The following SMARCA4 variants were observed in gnomAD, a reference collection of about 807,000 sequenced individuals.
SMARCA4 encodes SWI/SNF-related matrix-associated actin-dependent regulator of chromatin subfamily A member 4.
In SMARCA4, 31 loss-of-function variants were observed where a neutral mutation model predicts 193.9. That is an observed-to-expected ratio of 0.16 (90% CI 0.12 to 0.22). SMARCA4 has a LOEUF of 0.22. Ranked by LOEUF, SMARCA4 falls within the 10% of genes least tolerant of loss-of-function variation. SMARCA4 has a pLI of 1.00. For missense variants in SMARCA4, 1,148 were observed against 2,296.0 expected, an observed-to-expected ratio of 0.50 and a Z score of 10.22; for synonymous variants, 942 against 933.1, an observed-to-expected ratio of 1.01 and a Z score of -0.17.
intron 14 of SMARCA4, chr19:11,008,408 G>T (rs921673066): frequency 1.1e-5 from 4 of 350,728 alleles, no homozygotes; most frequent in Admixed American, 7.7e-5. Context: ...GTCTTCATTT[G>T]CATACATATC....
chr19:11,041,024 C>T lies in SMARCA4; in HGVS notation c.4171-283C>T, dbSNP rs768203964. 2.1e-6 allele frequency: 1 copy of T among 469,654 alleles called. No homozygotes were observed. Among genetic ancestry groups the T allele is most frequent in the Non-Finnish European group, 3.8e-6 (1 of 263,304 alleles). 29.1% of individuals were successfully genotyped at this position (469,654 alleles called of 1,614,324 possible). A position where few individuals can be genotyped will look rare whatever the true frequency, so the allele number is the denominator to read the frequency against. The stretch of plus-strand genomic sequence containing the variant: ...TTTCAGGAGCACGTTCTTTTCTGTA[C>T]AGAGAAGATAGTTCTTTTTTTTTGG... On this transcript the variant is annotated intron_variant, in intron 29 of 34. Coordinates refer to ENST00000344626, the MANE Select transcript of SMARCA4 (RefSeq NM_003072.5). The surrounding 1 kb of genome is among the most constrained non-coding windows in gnomAD (Gnocchi z 5.6).
chr19:11,006,314 GAA>G lies in SMARCA4; in HGVS notation c.2002-1587_2002-1586del, dbSNP rs753833469. On this transcript the variant is annotated intron_variant, in intron 13 of 34. Coordinates refer to ENST00000344626, the MANE Select transcript of SMARCA4 (RefSeq NM_003072.5). ...GGAAAGCCATTAAATGATGCAACATGAATGATTAAACAAGTTCGTAGATAACT... is the reference window on the plus strand; with the variant it reads ...GGAAAGCCATTAAATGATGCAACATGTGATTAAACAAGTTCGTAGATAACT... 3.3e-5 allele frequency among the ~76,000 whole-genome samples: 5 copies of G among 152,240 alleles called. No individual in the cohort carries two copies. In the East Asian group the frequency reaches 9.6e-4, roughly 29 times the overall value.
intron 11 of SMARCA4, among the ~76,000 whole-genome samples, chr19:11,000,299 T>G (rs1039371872): frequency 6.6e-6 from 1 of 150,928 alleles, no homozygotes; most frequent in Admixed American, 6.6e-5. Context: ...CAGTTTGGGT[T>G]GCTAAGGTGG....
intron 30 of SMARCA4, among the ~76,000 whole-genome samples, chr19:11,052,221 TCAA>T (rs1189481172): frequency 6.6e-6 from 1 of 152,090 alleles, no homozygotes; most frequent in Non-Finnish European, 1.5e-5. Flanking sequence ...CTGTGAAACA[TCAA>T]CAATAGGCAG....
chr19:10,996,164 G>T (rs961757759), intron 9 of SMARCA4, 49 bp from the exon 10 acceptor site: 3 of 1,600,672 alleles, frequency 1.9e-6, no homozygotes, highest in Non-Finnish European at 2.6e-6. Flanking sequence ...GGTGCTCACA[G>T]ACATGCACAT....
rs2147116694 is a variant in SMARCA4 at position 11,059,884 on chromosome 19, A to T, written c.4767A>T (p.Glu1589Asp). The change falls in exon 33 of 35, where the codon GAA (glutamate) becomes GAT (aspartate). Residue 1589 changes from glutamate to aspartate, a missense_variant and splice_region_variant. By Grantham distance (45) the Glu-to-Asp change is conservative. Around this residue, in one of 17 missense-constraint regions of SMARCA4, gnomAD observed 105 missense variants for 133.7 expected, o/e 0.79. Coordinates refer to ENST00000344626, the MANE Select transcript of SMARCA4 (RefSeq NM_003072.5). ...EEGEEEGSES[E>D]SRSVKVKIKL... The stretch of plus-strand genomic sequence containing the variant: ...GCGAGGAGGAAGGCTCCGAATCCGA[A>T]TGTGAGTCCCGGGGGGGTTCAGGAC... 2.5e-6 allele frequency: 4 copies of T among 1,613,866 alleles called. No homozygotes were observed. The highest frequency in any genetic ancestry group is 3.4e-6 in the Non-Finnish European group (4 of 1,179,992).
At chr19:11,050,752 G>T (rs937165396) in intron 30 of SMARCA4, among the ~76,000 whole-genome samples, 2 of 152,266 alleles carry the variant, frequency 1.3e-5, no homozygotes, top group Non-Finnish European at 2.9e-5. Flanking sequence ...CCCAAGGCTT[G>T]AAAGTGTTTG....
At position 11,034,047 on chromosome 19, in the gene SMARCA4, C is replaced by T. The variant is rs548907126; in HGVS notation, c.3874-76C>T. 40 of 1,151,134 alleles carry T rather than the reference C, an allele frequency of 3.5e-5. No individual in the cohort carries two copies. In the African/African-American group the frequency reaches 3.9e-4, roughly 11 times the overall value. 71.3% of individuals were successfully genotyped at this position (1,151,134 alleles called of 1,614,324 possible). On this transcript the variant is annotated intron_variant, in intron 27 of 34. Coordinates refer to ENST00000344626, the MANE Select transcript of SMARCA4 (RefSeq NM_003072.5). This position sits in a 1 kb window ranked among gnomAD's most constrained non-coding sequence, Gnocchi z 7.0. Reference sequence around the variant, plus strand: ...ACCACCAGCTCATTCCCACGGACGCCGCCGCTCGCCTCTGAGCTCGGCCGC... The same window carrying T: ...ACCACCAGCTCATTCCCACGGACGCTGCCGCTCGCCTCTGAGCTCGGCCGC...
chr19:10,989,740 C>T (rs1238384141), intron 7 of SMARCA4, among the ~76,000 whole-genome samples: 1 of 147,190 alleles, frequency 6.8e-6, no homozygotes, highest in Non-Finnish European at 1.5e-5. Context: ...CTTGCTCTAT[C>T]ACCTAGGCTG....
chr19:11,029,664 G>C (rs1477198249), intron 24 of SMARCA4, among the ~76,000 whole-genome samples: 1 of 152,040 alleles, frequency 6.6e-6, no homozygotes, highest in East Asian at 1.9e-4. Context: ...GGCAGGAAAT[G>C]GCCAGTTTTT....
rs1329240441 is a variant in SMARCA4, at chr19:11,058,299, C to T, written c.4469C>T (p.Ser1490Leu). The T allele has an allele frequency of 3.7e-6, 6 of 1,613,578 alleles. No individual in the cohort carries two copies. Among genetic ancestry groups the T allele is most frequent in the Non-Finnish European group, 5.1e-6 (6 of 1,179,942 alleles). ...AGCGAGGTCTTCATCCAGCTGCCCTCGCGAAAGGAGCTGCCCGAGTACTAC... is the reference window on the plus strand; with the variant it reads ...AGCGAGGTCTTCATCCAGCTGCCCTTGCGAAAGGAGCTGCCCGAGTACTAC... ...QLSEVFIQLP[S>L]RKELPEYYEL... Residue 1490 changes from serine to leucine, a missense_variant, in exon 31 of 35, where the codon TCG becomes TTG. Coordinates refer to ENST00000344626, the MANE Select transcript of SMARCA4 (RefSeq NM_003072.5). The surrounding 1 kb of genome is among the most constrained non-coding windows in gnomAD (Gnocchi z 5.8).
rs994984972 is a variant in SMARCA4, at chr19:10,987,557, C to T, written c.860-109C>T. On this transcript the variant is annotated intron_variant, in intron 5 of 34. Transcript: ENST00000344626. The surrounding 1 kb of genome is among the most constrained non-coding windows in gnomAD (Gnocchi z 5.3). The stretch of plus-strand genomic sequence containing the variant: ...CCCTGGGTGAAAGGTGGGAGATGGG[C>T]GGGGTCTGCCTGTCCCCAGTGCCTC... 11 of 1,254,050 alleles carry T rather than the reference C, an allele frequency of 8.8e-6. No individual in the cohort carries two copies. In the Admixed American group the frequency reaches 8.9e-5, roughly 10 times the overall value. The allele number at this position is 1,254,050 out of a possible 1,614,324, so 77.7% of individuals were successfully genotyped here.
Position 11,061,203 on chromosome 19 carries a change from AAATATATATATATAT to A in SMARCA4, c.4912-579_4912-565del, listed in dbSNP as rs1179165999. ...ACCCTGTCTTTAAAAAAAAAAAAAA[AAATATATATATATAT>A]ATATATATATATATATATATATATG... On this transcript the variant is annotated intron_variant, in intron 34 of 34. Coordinates refer to ENST00000344626, the MANE Select transcript of SMARCA4 (RefSeq NM_003072.5). Among the ~76,000 whole-genome samples, 9 of 47,450 alleles carry A rather than the reference AAATATATATATATAT, an allele frequency of 1.9e-4. No homozygotes were observed. In the South Asian group the frequency reaches 4.5e-3, roughly 24 times the overall value. The allele number at this position is 47,450 out of a possible 152,430, so 31.1% of individuals were successfully genotyped here.
In SMARCA4 at chr19:10,991,784, T is replaced by C. The variant is rs555469745; in HGVS notation, c.1419+461T>C. Among the ~76,000 whole-genome samples the C allele has an allele frequency of 3.3e-5, 5 of 151,708 alleles. No individual in the cohort carries two copies. In the East Asian group the frequency reaches 7.8e-4, roughly 24 times the overall value. On this transcript the variant is annotated intron_variant, in intron 8 of 34. Transcript: ENST00000344626. ...AGGACCTGCATGAGCCAGAGTAGAG[T>C]GAGTGGCGGGGAGAGCTGGAGGAAG...
In SMARCA4 at chr19:11,018,815, G is replaced by A; in HGVS notation, c.2439-142G>A. 3 of 784,058 alleles carry A rather than the reference G, an allele frequency of 3.8e-6. No individual in the cohort carries two copies. The South Asian group carries it at 4.1e-5, about 11-fold the overall frequency. 48.6% of individuals were successfully genotyped at this position (784,058 alleles called of 1,614,324 possible). A position where few individuals can be genotyped will look rare whatever the true frequency, so the allele number is the denominator to read the frequency against. ...TCTCTCTTCCTCCCTCCCTCCCTCA[G>A]CTGCCCTAAACACAGTTTCTCTGCC... is the stretch of plus-strand genomic sequence containing the variant. On this transcript the variant is annotated intron_variant, in intron 16 of 34. Transcript: ENST00000344626.
At chr19:10,999,856 G>A (rs1450152893) in intron 11 of SMARCA4, among the ~76,000 whole-genome samples, 1 of 152,180 alleles carries the variant, frequency 6.6e-6, no homozygotes, top group African/African-American at 2.4e-5. Flanking sequence ...ACACCTCTAT[G>A]CAGAAGTCTC....
rs1036298446 is a variant in SMARCA4 at position 10,986,726 on chromosome 19, C to T, written c.760+133C>T. 3 of 1,383,668 alleles carry T rather than the reference C, an allele frequency of 2.2e-6. No individual in the cohort carries two copies. The African/African-American group carries it at 4.3e-5, about 20-fold the overall frequency. 85.7% of individuals were successfully genotyped at this position (1,383,668 alleles called of 1,614,324 possible). The stretch of plus-strand genomic sequence containing the variant: ...GATTGCACGGGCCCATACTGCACTT[C>T]TGGGTGCTCGGGTGGTGGGGGCAGC... On this transcript the variant is annotated intron_variant, in intron 4 of 34. Coordinates refer to ENST00000344626, the MANE Select transcript of SMARCA4 (RefSeq NM_003072.5). This position sits in a 1 kb window ranked among gnomAD's most constrained non-coding sequence, Gnocchi z 6.7.
At position 11,058,904 on chromosome 19, in the gene SMARCA4, G is replaced by C. The variant is rs1214896429; in HGVS notation, c.4635+15G>C. 2 of 1,605,182 alleles carry C rather than the reference G, an allele frequency of 1.2e-6. No homozygotes were observed. Among genetic ancestry groups the C allele is most frequent in the Non-Finnish European group, 1.7e-6 (2 of 1,172,390 alleles). ...AGGGCTCCCTGGTGAGGGCACCGCT[G>C]GGGGTTGGGGATGGGCCACTCCCAC... On this transcript the variant is annotated intron_variant, in intron 32 of 34. Coordinates refer to ENST00000344626, the MANE Select transcript of SMARCA4 (RefSeq NM_003072.5). This position sits in a 1 kb window ranked among gnomAD's most constrained non-coding sequence, Gnocchi z 5.8.
chr19:11,040,317 G>A (rs2075522847), intron 29 of SMARCA4: 1 of 151,930 alleles, frequency 6.6e-6, no homozygotes, highest in Admixed American at 6.6e-5. Flanking sequence ...AAAAAGGCCG[G>A]GTGTGGTGGC....
Sources: gnomAD v4.1 joint callset for allele counts (sites outside exome capture counted in the v4.1 genomes callset) on GRCh38, gnomAD v4.1.1 for gene constraint, gnomAD v4.1.1 regional missense constraint, Gnocchi (gnomAD v3.1) non-coding constraint, MANE v1.5 for transcripts, NCBI Gene and HGNC (gene_info 2026-07-23, HGNC 2026-07-21) for gene names.